VPS37A: variants seen among roughly 807,000 people sequenced by gnomAD.
VPS37A encodes the protein vacuolar protein sorting-associated protein 37A.
A neutral mutation model predicts 49.8 loss-of-function variants in VPS37A; 30 were observed. The observed-to-expected ratio is 0.60, with a 90% CI of 0.45 to 0.82. VPS37A has a LOEUF of 0.82. VPS37A is among the 40% of genes least tolerant of loss of function. VPS37A has a pLI of 0.00. For synonymous variants in VPS37A, 195 were observed against 160.6 expected (o/e 1.21, Z -1.62); for missense variants, 593 against 464.4 (o/e 1.28, Z -2.55).
intron 1 of VPS37A, among the ~76,000 whole-genome samples, chr8:17,261,083 C>A (rs1403266383): frequency 6.6e-6 from 1 of 152,186 alleles, no homozygotes; most frequent in African/African-American, 2.4e-5. Context: ...GGCTCAACTT[C>A]TTTTTGAACA....
downstream of VPS37A, among the ~76,000 whole-genome samples, chr8:17,306,719 TGATCAGTTTTA>T (rs527311237): frequency 4.6e-5 from 7 of 152,292 alleles, no homozygotes; most frequent in South Asian, 1.4e-3. Context: ...GAATGAGCAA[TGATCAGTTTTA>T]GAGTTTTCCC....
At chr8:17,263,936 G>A (rs190665540) in intron 1 of VPS37A, among the ~76,000 whole-genome samples, 41 of 152,234 alleles carry the variant, frequency 2.7e-4, no homozygotes, top group African/African-American at 8.9e-4. Flanking sequence ...GCGAAACTCC[G>A]TGTCAAAAAG....
rs141504742 is a variant in VPS37A, at chr8:17,286,026, C to T, written c.1114-321C>T. Among the ~76,000 whole-genome samples the T allele has an allele frequency of 4.6e-4, 70 of 152,184 alleles. 1 individual carries two copies. Among genetic ancestry groups the T allele is most frequent in the African/African-American group, 1.7e-3 (69 of 41,530 alleles). ...AATTGGTGTCATGTGATCCTCTGCC[C>T]AGTCGACTGGGCTGAGGGAGTGGAT... On this transcript the variant is annotated intron_variant, in intron 10 of 11. Coordinates refer to ENST00000324849, the MANE Select transcript of VPS37A (RefSeq NM_152415.3).
the VPS37A span, among the ~76,000 whole-genome samples, chr8:17,312,361 G>A: frequency 6.6e-6 from 1 of 152,174 alleles, no homozygotes; most frequent in Admixed American, 6.5e-5. Flanking sequence ...GATCACCTGA[G>A]GTCAGGAGTC....
At chr8:17,286,457 G>T (rs777660595) in intron 11 of VPS37A, 30 bp downstream of exon 11, 1 of 1,591,382 alleles carries the variant, frequency 6.3e-7, no homozygotes, top group Admixed American at 1.7e-5. Flanking sequence ...TGAGTCTCAA[G>T]GTGATTGCAT....
At chr8:17,308,337 G>A in the VPS37A span, among the ~76,000 whole-genome samples, 1 of 152,048 alleles carries the variant, frequency 6.6e-6, no homozygotes, top group East Asian at 1.9e-4. Flanking sequence ...TGAAAATAAT[G>A]CCATGTTAAG....
At chr8:17,247,644 C>T (rs1182101840) in intron 1 of VPS37A, 1 of 704,224 alleles carries the variant, frequency 1.4e-6, no homozygotes, top group Middle Eastern at 2.3e-4. Flanking sequence ...ATCTCTCAAT[C>T]TCTCTCATAG....
the VPS37A span, among the ~76,000 whole-genome samples, chr8:17,330,792 C>G: frequency 6.6e-6 from 1 of 152,158 alleles, no homozygotes; most frequent in Admixed American, 6.5e-5. Context: ...GATCTCCATA[C>G]AAGAATGGTT....
At chr8:17,252,425 G>A (rs903482903) in intron 1 of VPS37A, among the ~76,000 whole-genome samples, 1 of 152,132 alleles carries the variant, frequency 6.6e-6, no homozygotes, top group Non-Finnish European at 1.5e-5. Context: ...CACTCTGCCT[G>A]GCTTGGCCTC....
In VPS37A at chr8:17,294,518, G is replaced by A. The variant is rs145636293; in HGVS notation, c.*1-469G>A. 9.1e-4 allele frequency among the ~76,000 whole-genome samples: 138 copies of A among 152,286 alleles called. 1 individual carries two copies. Among genetic ancestry groups the A allele is most frequent in the African/African-American group, 3.2e-3 (134 of 41,550 alleles). ...GAAAAAAAATTCCTGCAGCTAGCTC[G>A]ATGTCTGGCCAAACGGCCACCTAGT... On this transcript the variant is annotated intron_variant, in intron 11 of 11. Transcript: ENST00000324849.
the VPS37A span, chr8:17,311,625 C>T: frequency 6.2e-7 from 1 of 1,614,116 alleles, no homozygotes. Context: ...TTGCCCCTTC[C>T]TCTGACACTG....
chr8:17,331,287 A>C, the VPS37A span: 1 of 1,589,652 alleles, frequency 6.3e-7, no homozygotes, highest in African/African-American at 1.4e-5. Context: ...ATTAAGCTGC[A>C]GTGGTCAGCA....
At chr8:17,272,575 A>G (rs1814095398) in intron 4 of VPS37A, among the ~76,000 whole-genome samples, 1 of 152,172 alleles carries the variant, frequency 6.6e-6, no homozygotes, top group South Asian at 2.1e-4. Context: ...TGTGGGTTGT[A>G]CCTGCTACTG....
chr8:17,312,548 C>T, the VPS37A span, among the ~76,000 whole-genome samples: 2 of 143,368 alleles, frequency 1.4e-5, no homozygotes, highest in African/African-American at 2.6e-5. Context: ...GCACTCCAGC[C>T]TGGGTGACAG....
At chr8:17,304,281 C>G, downstream of VPS37A, 1 of 1,342,312 alleles carries the variant, frequency 7.4e-7, no homozygotes, top group Admixed American at 2.1e-5. Flanking sequence ...CAATAAAAGC[C>G]TCAAAGATCA....
In VPS37A at chr8:17,296,286, T is replaced by G. The variant is rs1331921143; in HGVS notation, c.*1300T>G. 1 of 152,202 alleles carries G rather than the reference T, an allele frequency of 6.6e-6. No individual in the cohort carries two copies. Among genetic ancestry groups the G allele is most frequent in the East Asian group, 1.9e-4 (1 of 5,200 alleles). The allele number at this position is 152,202 out of a possible 1,614,324, so 9.4% of individuals were successfully genotyped here. A position where few individuals can be genotyped will look rare whatever the true frequency, so the allele number is the denominator to read the frequency against. ...GGTATTCACGTGGACTGAGATACAA[T>G]GTTGGATACAGAAAATAACTTTCAT... On this transcript the variant is annotated 3_prime_UTR_variant, in exon 12 of 12. Transcript: ENST00000324849.
rs752230556 is a variant in VPS37A, at chr8:17,286,380, C to T, written c.1147C>T (p.Leu383Phe). 1.9e-6 allele frequency: 3 copies of T among 1,613,680 alleles called. No homozygotes were observed. Among genetic ancestry groups the T allele is most frequent in the Non-Finnish European group, 2.5e-6 (3 of 1,179,886 alleles). ...CHCRRAKEEK[L>F]QQAIAMHSQF... ...CTGTAGAAGAGCCAAGGAAGAGAAA[C>T]TTCAGCAGGCGATAGCAATGCACAG... Residue 383 changes from leucine (L) to phenylalanine (F), a missense_variant, in exon 11 of 12, where the codon CTT (leucine) becomes TTT (phenylalanine). Transcript: ENST00000324849.
chr8:17,299,827 A>G (rs761028566), downstream of VPS37A: 12 of 1,607,698 alleles, frequency 7.5e-6, no homozygotes, highest in African/African-American at 2.7e-5. Context: ...AGTGTTGCTT[A>G]TGTGTCCTTT....
At chr8:17,315,191 A>C in the VPS37A span, among the ~76,000 whole-genome samples, 1 of 152,246 alleles carries the variant, frequency 6.6e-6, no homozygotes, top group Non-Finnish European at 1.5e-5. Context: ...GAAAAGACAC[A>C]GAGGGAAGTT....
Sources: gnomAD v4.1 joint callset for allele counts (sites outside exome capture counted in the v4.1 genomes callset) on GRCh38, gnomAD v4.1.1 for gene constraint, MANE v1.5 for transcripts, NCBI Gene and HGNC (gene_info 2026-07-23, HGNC 2026-07-21) for gene names.